ASAP2: variants seen among roughly 807,000 people sequenced by gnomAD.
The protein encoded by ASAP2 is arf-GAP with SH3 domain, ANK repeat and PH domain-containing protein 2.
Under a neutral mutation model 131.4 loss-of-function variants are expected in ASAP2, and 45 were observed. The observed-to-expected ratio is 0.34, with a 90% confidence interval of 0.27 to 0.44. The LOEUF (loss-of-function observed/expected upper bound fraction) is 0.44. Among genes scored for constraint, ASAP2 ranks in the 20% least tolerant of loss-of-function variants. The pLI is 1.00. For missense variants in ASAP2, 1,011 were observed against 1,297.0 expected (o/e 0.78, Z 3.39); for synonymous variants, 510 against 503.0 (o/e 1.01, Z -0.19).
At chr2:9,288,516 G>A (rs915962035) in intron 2 of ASAP2, among the ~76,000 whole-genome samples, 1 of 152,106 alleles carries the variant, frequency 6.6e-6, no homozygotes, top group Non-Finnish European at 1.5e-5. Context: ...TGTGGTGAGC[G>A]TGGGGTCATG....
intron 2 of ASAP2, 109 bp from the exon 3 acceptor site, chr2:9,297,191 G>A (rs543684273): frequency 3.6e-6 from 5 of 1,373,264 alleles, no homozygotes; most frequent in Non-Finnish European, 4.9e-6. Context: ...ACTTTTCTCA[G>A]ATTTTTCTTC....
In ASAP2 at chr2:9,207,002, C is replaced by T; in HGVS notation, c.-103C>T. 1 of 1,035,552 alleles carries T rather than the reference C, an allele frequency of 9.7e-7. No homozygotes were observed. The highest frequency in any genetic ancestry group is 4.4e-5 in the South Asian group (1 of 22,602). 64.1% of individuals were successfully genotyped at this position (1,035,552 alleles called of 1,614,324 possible). On this transcript the variant is annotated 5_prime_UTR_variant, in exon 1 of 28. Coordinates refer to ENST00000281419, the MANE Select transcript of ASAP2 (RefSeq NM_003887.3). The surrounding 1 kb of genome is among the most constrained non-coding windows in gnomAD (Gnocchi z 4.1). ...GCTCCCCTTTGTCCGCGGGCCGGAG[C>T]GGCGGCGGCAGCGGCGGTGTCCGAG...
At position 9,358,740 on chromosome 2, in the gene ASAP2, C is replaced by G; in HGVS notation, c.1328-16C>G. 6.2e-7 allele frequency: 1 copy of G among 1,608,348 alleles called. No homozygotes were observed. ...TTTTTACTGGAAGCTCAAATCTGCC[C>G]TGTTCTCTTTGGCAGATCCTACATG... On this transcript the variant is annotated splice_polypyrimidine_tract_variant and intron_variant, in intron 14 of 27. Transcript: ENST00000281419.
At chr2:9,230,988 C>A (rs1180956401) in intron 1 of ASAP2, among the ~76,000 whole-genome samples, 1 of 152,228 alleles carries the variant, frequency 6.6e-6, no homozygotes, top group Non-Finnish European at 1.5e-5. Flanking sequence ...TGCTTCCTGG[C>A]AGCACAAACC....
At chr2:9,254,208 CAAAAA>C (rs1167547534) in intron 1 of ASAP2, among the ~76,000 whole-genome samples, 13 of 15,620 alleles carry the variant, frequency 8.3e-4, no homozygotes, top group African/African-American at 2.3e-3. Context: ...GAGACTGTCT[CAAAAA>C]AAAAAAAAAA....
At chr2:9,274,425 C>G (rs755536351) in intron 1 of ASAP2, among the ~76,000 whole-genome samples, 1 of 148,144 alleles carries the variant, frequency 6.8e-6, no homozygotes, top group Non-Finnish European at 1.5e-5. Context: ...CAGGTTCAAG[C>G]GATTCTCCTG....
At chr2:9,402,091 C>A (rs1676750093) in intron 27 of ASAP2, among the ~76,000 whole-genome samples, 1 of 152,250 alleles carries the variant, frequency 6.6e-6, no homozygotes, top group Non-Finnish European at 1.5e-5. Context: ...AGCTCCGCAA[C>A]TGAGCTCAGA....
At chr2:9,322,880 T>G (rs1324352872) in intron 5 of ASAP2, among the ~76,000 whole-genome samples, 1 of 152,198 alleles carries the variant, frequency 6.6e-6, no homozygotes, top group Non-Finnish European at 1.5e-5. Flanking sequence ...TCCTACCTCC[T>G]CTGACCCATA....
intron 26 of ASAP2, 150 bp from the exon 27 acceptor site, chr2:9,401,124 C>A: frequency 1.1e-6 from 1 of 942,714 alleles, no homozygotes; most frequent in Non-Finnish European, 1.6e-6. Context: ...GGCTCCTGAG[C>A]TGCACTGACC....
chr2:9,402,433 C>T (rs188588267), intron 27 of ASAP2, among the ~76,000 whole-genome samples: 1 of 152,300 alleles, frequency 6.6e-6, no homozygotes, highest in East Asian at 1.9e-4. Context: ...AGTTCGAGAC[C>T]AGCCTGGCCA....
intron 1 of ASAP2, among the ~76,000 whole-genome samples, chr2:9,221,258 T>A (rs563718607): frequency 5.4e-4 from 82 of 152,226 alleles, no homozygotes; most frequent in South Asian, 3.7e-3. Context: ...TATAGACATC[T>A]TAACAATCTA....
At chr2:9,220,867 G>C (rs1482338473) in intron 1 of ASAP2, among the ~76,000 whole-genome samples, 2 of 152,000 alleles carry the variant, frequency 1.3e-5, no homozygotes, top group Non-Finnish European at 2.9e-5. Flanking sequence ...TCATTCTTTT[G>C]CATATGGATA....
intron 3 of ASAP2, among the ~76,000 whole-genome samples, chr2:9,309,736 G>T (rs747624248): frequency 1.3e-5 from 2 of 152,214 alleles, no homozygotes; most frequent in Non-Finnish European, 2.9e-5. Context: ...GGAATAGTGT[G>T]TATCTGCTTT....
rs765931180 is a variant in ASAP2, at chr2:9,401,349, G to A, written c.2899G>A (p.Glu967Lys). The change falls in exon 27 of 28, where the codon GAG (glutamate) becomes AAG (lysine). Residue 967 changes from glutamate (E) to lysine (K), a missense_variant. Glu to Lys is a moderately conservative substitution (Grantham distance 56, BLOSUM62 1). This residue lies in a region of ASAP2 where 652 missense variants were observed against 698.9 expected (regional missense o/e 0.93). Coordinates refer to ENST00000281419, the MANE Select transcript of ASAP2 (RefSeq NM_003887.3). Reference protein sequence around the residue: ...ADNPDELTFSEGDVIIVDGEE... With the variant: ...ADNPDELTFSKGDVIIVDGEE... ...CAACCCCGATGAGCTCACCTTCTCC[G>A]AGGGGGATGTGATCATCGTGGACGG... 1.6e-5 allele frequency: 26 copies of A among 1,613,520 alleles called. No homozygotes were observed. Among genetic ancestry groups the A allele is most frequent in the Non-Finnish European group, 2.1e-5 (25 of 1,179,940 alleles).
At chr2:9,379,990 C>CA (rs1242941951) in intron 19 of ASAP2, among the ~76,000 whole-genome samples, 1,220 of 81,480 alleles carry the variant, frequency 0.015, 12 homozygotes, top group African/African-American at 0.041. Context: ...GACTCCATCT[C>CA]AAAAAAAAAA....
chr2:9,396,229 G>A (rs973193866), intron 24 of ASAP2, among the ~76,000 whole-genome samples: 2 of 152,130 alleles, frequency 1.3e-5, no homozygotes, highest in Non-Finnish European at 2.9e-5. Context: ...ACAGATAGGA[G>A]CATTTCAGGG....
At position 9,378,982 on chromosome 2, in the gene ASAP2, C is replaced by T; in HGVS notation, c.1871C>T (p.Ala624Val). ...LDKQTGKGST[A>V]LHYCCLTDNA... ...AAACAGACAGGGAAAGGCAGCACAG[C>T]CCTGCACTACTGCTGCCTGACCGAC... The change falls in exon 19 of 28, where the codon GCC (alanine) becomes GTC (valine). Residue 624 changes from alanine to valine, a missense_variant. Ala to Val is a moderately conservative substitution (Grantham distance 64). Coordinates refer to ENST00000281419, the MANE Select transcript of ASAP2 (RefSeq NM_003887.3). 6.4e-7 allele frequency: 1 copy of T among 1,562,320 alleles called. No individual in the cohort carries two copies. The highest frequency in any genetic ancestry group is 8.7e-7 in the Non-Finnish European group (1 of 1,153,158).
rs193038796 is a variant in ASAP2 at position 9,212,610 on chromosome 2, G to A, written c.126+5380G>A. ...TGGGGTGATCCTCAATTCTTCCCATGCACCCCACGTTTCCAGGCACCGGTG... is the reference window on the plus strand; with the variant it reads ...TGGGGTGATCCTCAATTCTTCCCATACACCCCACGTTTCCAGGCACCGGTG... On this transcript the variant is annotated intron_variant, in intron 1 of 27. Transcript: ENST00000281419. Among the ~76,000 whole-genome samples the A allele has an allele frequency of 9.9e-5, 15 of 152,258 alleles. No individual in the cohort carries two copies. The East Asian group carries it at 1.4e-3, about 14-fold the overall frequency.
intron 23 of ASAP2, among the ~76,000 whole-genome samples, chr2:9,393,078 G>A (rs959669281): frequency 1.5e-4 from 23 of 152,138 alleles, no homozygotes; most frequent in Non-Finnish European, 2.8e-4. Context: ...AAGTGGGTAG[G>A]GCCTCATCCC....
Sources: gnomAD v4.1 joint callset for allele counts (sites outside exome capture counted in the v4.1 genomes callset) on GRCh38, gnomAD v4.1.1 for gene constraint, gnomAD v4.1.1 regional missense constraint, Gnocchi (gnomAD v3.1) non-coding constraint, MANE v1.5 for transcripts, NCBI Gene and HGNC (gene_info 2026-07-23, HGNC 2026-07-21) for gene names.